Variants in DLG2 observed in about 807,000 individuals in gnomAD.
DLG2 encodes the protein disks large homolog 2.
DLG2 carries 45 observed loss-of-function variants against 132.5 expected under a neutral mutation model. The ratio of observed to expected loss-of-function variants is 0.34; its 90% confidence interval spans 0.27 to 0.44. The LOEUF is 0.44. Among genes scored for constraint, DLG2 ranks in the 20% least tolerant of loss-of-function variants. The pLI is 1.00. For missense variants in DLG2, 1,045 were observed against 1,196.9 expected (o/e 0.87, Z 1.87); for synonymous variants, 424 against 419.6 (o/e 1.01, Z -0.13).
chr11:85,557,270 A>T (rs188178864), intron 3 of DLG2, among the ~76,000 whole-genome samples: 1 of 152,040 alleles, frequency 6.6e-6, no homozygotes, highest in African/African-American at 2.4e-5. Context: ...GATCTCTGCA[A>T]GGAAAACTAC....
At chr11:85,522,645 C>T (rs1466245349) in intron 3 of DLG2, among the ~76,000 whole-genome samples, 1 of 152,232 alleles carries the variant, frequency 6.6e-6, no homozygotes, top group African/African-American at 2.4e-5. Flanking sequence ...CCACCGTTTG[C>T]ATCAGCATGA....
chr11:84,683,362 G>A (rs777585535), intron 6 of DLG2, among the ~76,000 whole-genome samples: 31 of 152,132 alleles, frequency 2.0e-4, no homozygotes, highest in Non-Finnish European at 1.0e-4. Flanking sequence ...TCCCTGCCAG[G>A]TATTGCAGGT....
intron 3 of DLG2, among the ~76,000 whole-genome samples, chr11:85,288,941 T>G (rs909809173): frequency 1.3e-5 from 2 of 152,120 alleles, no homozygotes; most frequent in African/African-American, 2.4e-5. Flanking sequence ...ATCAATAAGC[T>G]GTACTTCGAA....
chr11:85,490,707 T>C (rs1038334251), intron 3 of DLG2, among the ~76,000 whole-genome samples: 8 of 151,850 alleles, frequency 5.3e-5, no homozygotes, highest in African/African-American at 1.9e-4. Flanking sequence ...TTAGAGGAAA[T>C]GGATAAATTT....
At chr11:85,125,254 C>T (rs762326781) in intron 5 of DLG2, among the ~76,000 whole-genome samples, 1 of 152,136 alleles carries the variant, frequency 6.6e-6, no homozygotes, top group Non-Finnish European at 1.5e-5. Context: ...GGACAATACT[C>T]TCAGTCTCAT....
intron 7 of DLG2, among the ~76,000 whole-genome samples, chr11:84,258,014 A>G (rs2097502514): frequency 6.6e-6 from 1 of 152,076 alleles, no homozygotes; most frequent in African/African-American, 2.4e-5. Flanking sequence ...GTTGATCAAC[A>G]AGTTACAAGC....
intron 18 of DLG2, among the ~76,000 whole-genome samples, chr11:83,758,928 TAA>T (rs763361138): frequency 6.6e-6 from 1 of 152,138 alleles, no homozygotes; most frequent in Non-Finnish European, 1.5e-5. Context: ...GCAGAAACTA[TAA>T]AAGAGATGCT....
chr11:85,268,136 G>A (rs1339195343), intron 4 of DLG2, among the ~76,000 whole-genome samples: 53 of 152,096 alleles, frequency 3.5e-4, no homozygotes, highest in Non-Finnish European at 7.4e-5. Context: ...CTTGTTTTCT[G>A]CTTTTACTGA....
chr11:84,874,451 C>G (rs1439972700), intron 6 of DLG2, among the ~76,000 whole-genome samples: 2 of 152,054 alleles, frequency 1.3e-5, no homozygotes, highest in African/African-American at 4.8e-5. Context: ...AGGGATTGGC[C>G]TGAGATAAGG....
chr11:84,514,971 AAATT>A (rs1447531691), intron 7 of DLG2, among the ~76,000 whole-genome samples: 2 of 151,892 alleles, frequency 1.3e-5, no homozygotes, highest in African/African-American at 2.4e-5. Context: ...AAAAATAAAA[AAATT>A]AATTAAAGAT....
intron 21 of DLG2, among the ~76,000 whole-genome samples, chr11:83,495,706 A>G (rs1297978581): frequency 6.6e-6 from 1 of 152,162 alleles, no homozygotes; most frequent in Non-Finnish European, 1.5e-5. Flanking sequence ...CCTCACTCTC[A>G]TAAGTCCAAC....
chr11:84,861,107 G>A (rs2083554425), intron 6 of DLG2, among the ~76,000 whole-genome samples: 1 of 152,064 alleles, frequency 6.6e-6, no homozygotes, highest in Admixed American at 6.6e-5. Context: ...CTTGGTAACA[G>A]CACAGGCTGC....
chr11:85,296,467 C>CTTTTTTTTTTTTTTTTTTTTTTTTTT (rs66526147), intron 3 of DLG2, among the ~76,000 whole-genome samples: 1 of 121,552 alleles, frequency 8.2e-6, no homozygotes, highest in African/African-American at 3.1e-5. Flanking sequence ...TTTCGATTTT[C>CTTTTTTTTTTTTTTTTTTTTTTTTTT]TTTTTTTTTT....
At chr11:84,062,594 G>C (rs189655234) in intron 10 of DLG2, among the ~76,000 whole-genome samples, 101 of 152,252 alleles carry the variant, frequency 6.6e-4, no homozygotes, top group Non-Finnish European at 8.8e-4. Flanking sequence ...ATAAAGTATG[G>C]ATCCCATTTT....
intron 3 of DLG2, among the ~76,000 whole-genome samples, chr11:85,553,553 GC>G (rs2076781382): frequency 6.6e-6 from 1 of 151,028 alleles, no homozygotes; most frequent in Non-Finnish European, 1.5e-5. Context: ...AAGTACATTT[GC>G]AGATGAAAAA....
At chr11:84,409,886 G>A (rs1192536444) in intron 7 of DLG2, among the ~76,000 whole-genome samples, 1 of 152,142 alleles carries the variant, frequency 6.6e-6, no homozygotes, top group Non-Finnish European at 1.5e-5. Context: ...CAAAGACAGA[G>A]CACAGACCAT....
intron 6 of DLG2, among the ~76,000 whole-genome samples, chr11:84,686,630 G>GTTTTT (rs60618412): frequency 7.8e-4 from 89 of 113,748 alleles, no homozygotes; most frequent in Non-Finnish European, 1.1e-3. Flanking sequence ...TGGCCTTGAG[G>GTTTTT]TTTTTTTTTT....
intron 15 of DLG2, among the ~76,000 whole-genome samples, chr11:83,893,090 A>G (rs543802630): frequency 5.1e-4 from 78 of 152,304 alleles, no homozygotes; most frequent in African/African-American, 1.8e-3. Context: ...CAATCCATTA[A>G]CAAGTTGTTT....
chr11:85,511,866 T>C lies in DLG2; in HGVS notation c.40+86791A>G, dbSNP rs143934838. On this transcript the variant is annotated intron_variant, in intron 3 of 27. Transcript: ENST00000376104. ...CCCAAATAGCTAGGACCACAGGCAT[T>C]AGGACTATAGGCACGTGCCACCAAG... is the stretch of plus-strand genomic sequence containing the variant. 7.8e-3 allele frequency among the ~76,000 whole-genome samples: 1,179 copies of C among 151,992 alleles called. 17 individuals carry two copies. Among genetic ancestry groups the C allele is most frequent in the African/African-American group, 0.027 (1,136 of 41,498 alleles).
Sources: gnomAD v4.1 joint callset for allele counts (sites outside exome capture counted in the v4.1 genomes callset) on GRCh38, gnomAD v4.1.1 for gene constraint, MANE v1.5 for transcripts, NCBI Gene and HGNC (gene_info 2026-07-23, HGNC 2026-07-21) for gene names.